The following NLRP10 variants were observed in gnomAD, a reference collection of about 807,000 sequenced individuals.
The protein encoded by NLRP10 is NLR family pyrin domain containing 10.
A neutral mutation model predicts 8.2 loss-of-function variants in NLRP10; 7 were observed. That is an observed-to-expected ratio of 0.85 (90% CI 0.48 to 1.60). The LOEUF is 1.60. NLRP10 is among the 40% of genes most tolerant of loss of function. The probability of loss-of-function intolerance (pLI) is 0.00; values close to 1 mark genes in which losing one functional copy is unlikely to be tolerated. For synonymous variants in NLRP10, 338 were observed against 314.0 expected (o/e 1.08, Z -0.81); for missense variants, 814 against 776.3 (o/e 1.05, Z -0.58).
In NLRP10 at chr11:7,960,395, C is replaced by T. The variant is rs200564965; in HGVS notation, c.1217G>A (p.Arg406Gln). ...DDDGGCSELS[R>Q]HRVLRSLCSL... ...GCACAGACTCCTCAGGACCCTGTGC[C>T]GGGAAAGCTCGGAGCAGCCCCCATC... is the stretch of plus-strand genomic sequence containing the variant. Residue 406 changes from arginine to glutamine, a missense_variant, in exon 3 of 3, where the codon CGG (arginine) becomes CAG (glutamine). Physicochemically the swap from Arg to Gln is conservative, Grantham distance 43. Coordinates refer to ENST00000691676, the MANE Select transcript of NLRP10 (RefSeq NM_001391958.1). 38 of 1,613,916 alleles carry T rather than the reference C, an allele frequency of 2.4e-5. No individual in the cohort carries two copies. Among genetic ancestry groups the T allele is most frequent in the African/African-American group, 1.2e-4 (9 of 75,010 alleles).
chr11:7,962,380 C>T (rs190339597), intron 2 of NLRP10, among the ~76,000 whole-genome samples: 3,390 of 151,828 alleles, frequency 0.022, 70 homozygotes, highest in Non-Finnish European at 0.038. Context: ...GGACCACAGG[C>T]GCACGCCACC....
chr11:7,960,106 C>T lies in NLRP10; in HGVS notation c.1506G>A (p.Lys502=), dbSNP rs748055667. ...RREVQRLLEV[K]EQEGNDEMTL... is the part of the protein sequence containing the mutation. Reference sequence around the variant, plus strand: ...TCATCTCATCATTCCCTTCCTGCTCCTTTACCTCCAGCAGCCTTTGCACTT... The same window carrying T: ...TCATCTCATCATTCCCTTCCTGCTCTTTTACCTCCAGCAGCCTTTGCACTT... Residue 502 remains lysine (K), a synonymous_variant, in exon 3 of 3, where the codon AAG becomes AAA. Transcript: ENST00000691676. 3 of 1,614,136 alleles carry T rather than the reference C, an allele frequency of 1.9e-6. No individual in the cohort carries two copies. Among genetic ancestry groups the T allele is most frequent in the South Asian group, 2.2e-5 (2 of 91,082 alleles).
Position 7,960,425 on chromosome 11 carries a change from T to C in NLRP10, c.1187A>G (p.Asp396Gly), listed in dbSNP as rs1396380222. Residue 396 changes from aspartate (D) to glycine (G), a missense_variant, in exon 3 of 3, where the codon GAT becomes GGT. Coordinates refer to ENST00000691676, the MANE Select transcript of NLRP10 (RefSeq NM_001391958.1). Reference protein sequence around the residue: ...MAYVSTFLPPDDDGGCSELSR... With the variant: ...MAYVSTFLPPGDDGGCSELSR... ...AAGCTCGGAGCAGCCCCCATCATCA[T>C]CGGGCGGCAGAAAGGTGGAGACGTA... The C allele has an allele frequency of 6.2e-7, 1 of 1,613,954 alleles. No homozygotes were observed. Among genetic ancestry groups the C allele is most frequent in the Admixed American group, 1.7e-5 (1 of 60,012 alleles).
At position 7,959,462 on chromosome 11, in the gene NLRP10, G is replaced by A. The variant is rs2037665140; in HGVS notation, c.*182C>T. 1 of 481,660 alleles carries A rather than the reference G, an allele frequency of 2.1e-6. No homozygotes were observed. The highest frequency in any genetic ancestry group is 2.0e-5 in the African/African-American group (1 of 49,618). The allele number at this position is 481,660 out of a possible 1,614,324, so 29.8% of individuals were successfully genotyped here. ...CAATGTCCACAAAGTTATTTGCTGG[G>A]ATCTTGATTGGGATTGCATTGAATC... On this transcript the variant is annotated 3_prime_UTR_variant, in exon 3 of 3. Transcript: ENST00000691676.
chr11:7,963,213 G>GTGGCTGGA lies in NLRP10; in HGVS notation c.282_283insTCCAGCCA (p.Leu95SerfsTer18). On this transcript the variant is annotated frameshift_variant, in exon 2 of 3. Transcript: ENST00000691676. LOFTEE classifies it low-confidence loss of function (END_TRUNC). ...TCCCCCGCTCCACACTCACCATGCAGACAAATATGGCTGAGCTGGTCCACA... is the reference window on the plus strand; with the variant it reads ...TCCCCCGCTCCACACTCACCATGCAGTGGCTGGAACAAATATGGCTGAGCTGGTCCACA... 1.2e-6 allele frequency: 2 copies of GTGGCTGGA among 1,613,964 alleles called. No homozygotes were observed. The highest frequency in any genetic ancestry group is 1.7e-6 in the Non-Finnish European group (2 of 1,179,892).
chr11:7,960,981 C>T lies in NLRP10; in HGVS notation c.631G>A (p.Val211Met). 1 of 1,614,212 alleles carries T rather than the reference C, an allele frequency of 6.2e-7. No homozygotes were observed. Among genetic ancestry groups the T allele is most frequent in the Non-Finnish European group, 8.5e-7 (1 of 1,180,038 alleles). Residue 211 changes from valine (V) to methionine (M), a missense_variant, in exon 3 of 3, where the codon GTG becomes ATG. By Grantham distance (21) the Val-to-Met change is conservative. Coordinates refer to ENST00000691676, the MANE Select transcript of NLRP10 (RefSeq NM_001391958.1). ...AGTTTGCTCTCCAGCAGCAGGACCA[C>T]TTCTTTGCAGCTTACATAAAAGACA... ...DYVFYVSCKEVVLLLESKLEQ... is the reference protein window; with the variant it reads ...DYVFYVSCKEMVLLLESKLEQ...
At chr11:7,964,218 G>A (rs867762204) in intron 1 of NLRP10, among the ~76,000 whole-genome samples, 7 of 152,132 alleles carry the variant, frequency 4.6e-5, no homozygotes, top group South Asian at 4.1e-4. Flanking sequence ...TACTGTGCCC[G>A]GCCAAGTTTT....
Position 7,960,088 on chromosome 11 carries a change from A to C in NLRP10, c.1524T>G (p.Asp508Glu), listed in dbSNP as rs921459273. The C allele has an allele frequency of 1.7e-5, 27 of 1,614,176 alleles. No homozygotes were observed. Among genetic ancestry groups the C allele is most frequent in the East Asian group, 6.7e-5 (3 of 44,884 alleles). The change falls in exon 3 of 3, where the codon GAT (aspartate) becomes GAG (glutamate). Residue 508 changes from aspartate to glutamate, a missense_variant. Physicochemically the swap from Asp to Glu is conservative, Grantham distance 45. Transcript: ENST00000691676. The part of the protein sequence containing the change: ...LLEVKEQEGN[D>E]EMTLTMQFLL... ...AAAACTGCATAGTGAGGGTCATCTC[A>C]TCATTCCCTTCCTGCTCCTTTACCT...
Position 7,960,094 on chromosome 11 carries a change from C to G in NLRP10, c.1518G>C (p.Gly506=). The G allele has an allele frequency of 6.2e-7, 1 of 1,614,130 alleles. No individual in the cohort carries two copies. The change falls in exon 3 of 3, where the codon GGG becomes GGC. Residue 506 remains glycine, a synonymous_variant. Coordinates refer to ENST00000691676, the MANE Select transcript of NLRP10 (RefSeq NM_001391958.1). ...QRLLEVKEQE[G]NDEMTLTMQF... ...GCATAGTGAGGGTCATCTCATCATT[C>G]CCTTCCTGCTCCTTTACCTCCAGCA... is the stretch of plus-strand genomic sequence containing the variant.
At chr11:7,961,348 G>A (rs760311300) in intron 2 of NLRP10, 26 bp from the exon 3 acceptor site, 2 of 1,462,970 alleles carry the variant, frequency 1.4e-6, no homozygotes, top group East Asian at 4.6e-5. Flanking sequence ...GGGATGTTAG[G>A]TAGTGAAATG....
At position 7,960,847 on chromosome 11, in the gene NLRP10, C is replaced by G; in HGVS notation, c.765G>C (p.Gln255His). ...TCTTCAACTTTTCTTCAAAGGGCCTCTGCAGCTCATCAAAGCCATCCAGGA... is the reference window on the plus strand; with the variant it reads ...TCTTCAACTTTTCTTCAAAGGGCCTGTGCAGCTCATCAAAGCCATCCAGGA... ...LFILDGFDEL[Q>H]RPFEEKLKKR... is the part of the protein sequence containing the mutation. The change falls in exon 3 of 3, where the codon CAG becomes CAC. Residue 255 changes from glutamine (Q) to histidine (H), a missense_variant. Physicochemically the swap from Gln to His is conservative, Grantham distance 24. Coordinates refer to ENST00000691676, the MANE Select transcript of NLRP10 (RefSeq NM_001391958.1). 1 of 1,614,166 alleles carries G rather than the reference C, an allele frequency of 6.2e-7. No homozygotes were observed. The highest frequency in any genetic ancestry group is 1.3e-5 in the African/African-American group (1 of 75,040).
chr11:7,958,195 T>C lies in NLRP10; in HGVS notation c.*1449A>G, dbSNP rs938316721. ...CTATAAATATTCATGTGCAGGTTTT[T>C]ATGTGGACATAAGTTTCCAACTCAC... On this transcript the variant is annotated 3_prime_UTR_variant, in exon 3 of 3. Coordinates refer to ENST00000691676, the MANE Select transcript of NLRP10 (RefSeq NM_001391958.1). 6.6e-6 allele frequency among the ~76,000 whole-genome samples: 1 copy of C among 152,252 alleles called. No individual in the cohort carries two copies. The highest frequency in any genetic ancestry group is 1.5e-5 in the Non-Finnish European group (1 of 68,038).
Position 7,961,324 on chromosome 11 carries a change from T to G in NLRP10, c.290-2A>C. ...GCTCTCGGTATACTTCTCTGTAATCTGAGCCAAACAAATGGGATGTTAGGT... is the reference window on the plus strand; with the variant it reads ...GCTCTCGGTATACTTCTCTGTAATCGGAGCCAAACAAATGGGATGTTAGGT... On this transcript the variant is annotated splice_acceptor_variant, in intron 2 of 2. Coordinates refer to ENST00000691676, the MANE Select transcript of NLRP10 (RefSeq NM_001391958.1). LOFTEE classifies it high-confidence loss of function. 6.5e-7 allele frequency: 1 copy of G among 1,537,110 alleles called. No individual in the cohort carries two copies. The highest frequency in any genetic ancestry group is 8.8e-7 in the Non-Finnish European group (1 of 1,139,224).
intron 2 of NLRP10, 109 bp downstream of exon 2, chr11:7,963,098 A>G: frequency 9.3e-7 from 1 of 1,073,368 alleles, no homozygotes; most frequent in Non-Finnish European, 1.4e-6. Context: ...ACTAGAGGAC[A>G]AGGTGACAGA....
Position 7,960,112 on chromosome 11 carries a change from C to A in NLRP10, c.1500G>T (p.Glu500Asp). ...ESRREVQRLL[E>D]VKEQEGNDEM... is the part of the protein sequence containing the mutation. ...CATCATTCCCTTCCTGCTCCTTTAC[C>A]TCCAGCAGCCTTTGCACTTCTCTGC... Residue 500 changes from glutamate (E) to aspartate (D), a missense_variant, in exon 3 of 3, where the codon GAG becomes GAT. Coordinates refer to ENST00000691676, the MANE Select transcript of NLRP10 (RefSeq NM_001391958.1). 6.2e-7 allele frequency: 1 copy of A among 1,614,104 alleles called. No individual in the cohort carries two copies. Among genetic ancestry groups the A allele is most frequent in the South Asian group, 1.1e-5 (1 of 91,082 alleles).
At position 7,961,109 on chromosome 11, in the gene NLRP10, A is replaced by G. The variant is rs751050670; in HGVS notation, c.503T>C (p.Leu168Ser). ...GCCAGCCGACCCCTGTAGCACAACT[A>G]AGGATGGGGCCAGTGAGGGCTTTTC... is the stretch of plus-strand genomic sequence containing the variant. ...SGEKPSLAPS[L>S]VVLQGSAGTG... Residue 168 changes from leucine (L) to serine (S), a missense_variant, in exon 3 of 3, where the codon TTA becomes TCA. Leu to Ser is a moderately radical substitution (Grantham distance 145, BLOSUM62 -2). Coordinates refer to ENST00000691676, the MANE Select transcript of NLRP10 (RefSeq NM_001391958.1). 4 of 1,614,086 alleles carry G rather than the reference A, an allele frequency of 2.5e-6. No homozygotes were observed. Among genetic ancestry groups the G allele is most frequent in the Non-Finnish European group, 3.4e-6 (4 of 1,180,012 alleles).
chr11:7,959,984 T>C lies in NLRP10; in HGVS notation c.1628A>G (p.Gln543Arg). 6.2e-7 allele frequency: 1 copy of C among 1,614,146 alleles called. No individual in the cohort carries two copies. Among genetic ancestry groups the C allele is most frequent in the Non-Finnish European group, 8.5e-7 (1 of 1,179,998 alleles). The change falls in exon 3 of 3, where the codon CAG (glutamine) becomes CGG (arginine). Residue 543 changes from glutamine (Q) to arginine (R), a missense_variant. By Grantham distance (43) the Gln-to-Arg change is conservative (BLOSUM62 1). Coordinates refer to ENST00000691676, the MANE Select transcript of NLRP10 (RefSeq NM_001391958.1). ...CTGTTCTTTAAAATGCTTCAGATCC[T>C]GCGCTAAACAGGGAGAAATTCTGAA... ...FCFRISPCLA[Q>R]DLKHFKEQME...
Position 7,963,468 on chromosome 11 carries a change from G to T in NLRP10, c.28C>A (p.Arg10=). MAMAKARKP[R]EALLWALSDL... ...CTCAAGGCCCAGAGCAATGCCTCCC[G>T]GGGCTTTCTGGCCTTGGCCATGGCC... is the stretch of plus-strand genomic sequence containing the variant. Residue 10 remains arginine, a synonymous_variant, in exon 2 of 3, where the codon CGG becomes AGG. Transcript: ENST00000691676. 6.2e-7 allele frequency: 1 copy of T among 1,613,276 alleles called. No individual in the cohort carries two copies. Among genetic ancestry groups the T allele is most frequent in the South Asian group, 1.1e-5 (1 of 91,042 alleles).
Position 7,959,539 on chromosome 11 carries a change from T to C in NLRP10, c.*105A>G. ...ATCTTAACAATATTGAGTCTTTCTA[T>C]TCATGAACATGGAAAATCTTCCCAT... On this transcript the variant is annotated 3_prime_UTR_variant, in exon 3 of 3. Coordinates refer to ENST00000691676, the MANE Select transcript of NLRP10 (RefSeq NM_001391958.1). The C allele has an allele frequency of 3.2e-6, 2 of 626,984 alleles. No individual in the cohort carries two copies. The highest frequency in any genetic ancestry group is 2.3e-5 in the South Asian group (1 of 44,248). 38.8% of individuals were successfully genotyped at this position (626,984 alleles called of 1,614,324 possible).
Sources: allele counts gnomAD v4.1 joint callset (sites outside exome capture counted in the v4.1 genomes callset), GRCh38; gene constraint gnomAD v4.1.1; transcripts MANE v1.5; gene names NCBI Gene and HGNC (gene_info 2026-07-23, HGNC 2026-07-21).